The following P3H2 variants were observed in gnomAD, a reference collection of about 807,000 sequenced individuals.
P3H2 encodes prolyl 3-hydroxylase 2.
P3H2 carries 80 observed loss-of-function variants against 87.0 expected under a neutral mutation model. The ratio of observed to expected loss-of-function variants is 0.92; its 90% CI spans 0.77 to 1.11. P3H2 has a LOEUF of 1.11. Ranked by LOEUF, P3H2 falls within the 50% of genes least tolerant of loss-of-function variation. P3H2 has a pLI of 0.00. For synonymous variants in P3H2, 367 were observed against 359.3 expected (o/e 1.02, Z -0.24); for missense variants, 1,001 against 923.9 (o/e 1.08, Z -1.08).
chr3:190,067,259 A>C (rs1032520805), intron 1 of P3H2, among the ~76,000 whole-genome samples: 1 of 152,100 alleles, frequency 6.6e-6, no homozygotes, highest in African/African-American at 2.4e-5. Flanking sequence ...CAAGGCATTC[A>C]AGAAATATTT....
intron 1 of P3H2, among the ~76,000 whole-genome samples, chr3:190,015,688 T>C (rs1029644994): frequency 1.4e-5 from 2 of 143,998 alleles, no homozygotes; most frequent in East Asian, 2.0e-4. Context: ...TATCTCAGCA[T>C]CATTGCACTC....
intron 1 of P3H2, among the ~76,000 whole-genome samples, chr3:190,118,816 T>C: frequency 6.6e-6 from 1 of 151,972 alleles, no homozygotes; most frequent in African/African-American, 2.4e-5. Flanking sequence ...CACAGCCTGG[T>C]CCAGCCGTGC....
chr3:189,984,425 C>G, intron 7 of P3H2, 125 bp downstream of exon 7: 2 of 776,616 alleles, frequency 2.6e-6, no homozygotes, highest in South Asian at 3.3e-5. Context: ...GCTCCTAATT[C>G]AGAGCTTAGA....
intron 1 of P3H2, among the ~76,000 whole-genome samples, chr3:190,072,402 A>T (rs184102549): frequency 3.7e-4 from 57 of 152,314 alleles, no homozygotes; most frequent in African/African-American, 1.3e-3. Flanking sequence ...CAGTGGCTCT[A>T]GGAATCAGAC....
intron 1 of P3H2, among the ~76,000 whole-genome samples, chr3:189,996,028 A>T (rs1724042741): frequency 6.6e-6 from 1 of 152,174 alleles, no homozygotes. Context: ...AATTAGCAAG[A>T]CCATTATGAA....
At chr3:190,033,047 A>G (rs1725306965) in intron 1 of P3H2, among the ~76,000 whole-genome samples, 1 of 152,228 alleles carries the variant, frequency 6.6e-6, no homozygotes, top group African/African-American at 2.4e-5. Flanking sequence ...ACAGATCCTC[A>G]GGCATTAGAT....
chr3:189,990,129 C>T (rs1348846575), intron 3 of P3H2, among the ~76,000 whole-genome samples: 2 of 151,884 alleles, frequency 1.3e-5, no homozygotes. Context: ...TGCAGAGGGA[C>T]CCCAAAACAC....
intron 1 of P3H2, among the ~76,000 whole-genome samples, chr3:190,050,650 A>G (rs1725953309): frequency 2.0e-5 from 3 of 152,094 alleles, no homozygotes; most frequent in Admixed American, 2.0e-4. Context: ...TGTATATATG[A>G]GTTTTTTGAG....
chr3:190,064,217 C>T (rs1034659283), intron 1 of P3H2, among the ~76,000 whole-genome samples: 7 of 151,264 alleles, frequency 4.6e-5, no homozygotes, highest in African/African-American at 1.7e-4. Context: ...GGGTGAACTC[C>T]TGTTGCTCAG....
chr3:189,968,454 A>G (rs1407148544), intron 13 of P3H2, among the ~76,000 whole-genome samples: 1 of 152,174 alleles, frequency 6.6e-6, no homozygotes, highest in Non-Finnish European at 1.5e-5. Flanking sequence ...ATAGTCTTCC[A>G]TGGTATATAT....
chr3:190,098,610 T>C (rs1711508942), intron 1 of P3H2, among the ~76,000 whole-genome samples: 1 of 152,188 alleles, frequency 6.6e-6, no homozygotes, highest in Admixed American at 6.5e-5. Flanking sequence ...TTACCCCTCC[T>C]TTCTGGATGA....
chr3:189,964,286 T>C (rs890678426), intron 13 of P3H2, among the ~76,000 whole-genome samples, 188 bp from the exon 14 acceptor site: 7 of 152,158 alleles, frequency 4.6e-5, no homozygotes, highest in African/African-American at 1.7e-4. Flanking sequence ...GTCAAAATAA[T>C]ATATACCTCA....
intron 1 of P3H2, among the ~76,000 whole-genome samples, chr3:190,074,117 A>G (rs1247625700): frequency 1.3e-5 from 2 of 152,152 alleles, no homozygotes; most frequent in Non-Finnish European, 2.9e-5. Flanking sequence ...AAATTATTTG[A>G]TCTTGTGGTG....
chr3:189,973,511 C>CTTTCTTTTTTTTTTT (rs1723245878), intron 10 of P3H2, among the ~76,000 whole-genome samples: 2 of 35,462 alleles, frequency 5.6e-5, no homozygotes, highest in African/African-American at 1.9e-4. Context: ...TTCTTTCTTT[C>CTTTCTTTTTTTTTTT]TTTTTTTTTT....
chr3:190,033,309 CT>C (rs1477945473), intron 1 of P3H2, among the ~76,000 whole-genome samples: 2 of 152,094 alleles, frequency 1.3e-5, no homozygotes, highest in Non-Finnish European at 2.9e-5. Context: ...CCTGATTTAA[CT>C]GAATTAGTAA....
At chr3:189,967,550 G>C (rs770626063) in intron 13 of P3H2, among the ~76,000 whole-genome samples, 6 of 150,942 alleles carry the variant, frequency 4.0e-5, no homozygotes, top group Non-Finnish European at 8.8e-5. Context: ...CAGTTTCAGT[G>C]TTAGCAGAGA....
rs7634673 is a variant in P3H2 at position 189,997,644 on chromosome 3, G to C, written c.481-2202C>G. On this transcript the variant is annotated intron_variant, in intron 1 of 14. Coordinates refer to ENST00000319332, the MANE Select transcript of P3H2 (RefSeq NM_018192.4). ...ATAGTAAAGCTTTCCCTTTTCAAAT[G>C]TAATTGCACATTTTTAGCTACTGTC... 7.0e-3 allele frequency among the ~76,000 whole-genome samples: 1,070 copies of C among 152,252 alleles called. 6 individuals carry two copies. Among genetic ancestry groups the C allele is most frequent in the African/African-American group, 0.022 (899 of 41,542 alleles).
chr3:190,107,071 G>T (rs1176342613), intron 1 of P3H2, among the ~76,000 whole-genome samples: 1 of 151,974 alleles, frequency 6.6e-6, no homozygotes, highest in Non-Finnish European at 1.5e-5. Flanking sequence ...GCTATTTCAG[G>T]TTTCTTCAAA....
intron 1 of P3H2, among the ~76,000 whole-genome samples, chr3:190,058,568 G>A (rs967963919): frequency 6.6e-6 from 1 of 152,140 alleles, no homozygotes; most frequent in Admixed American, 6.5e-5. Flanking sequence ...GAATGGAAAG[G>A]GTGAAATGTT....
Sources: gnomAD v4.1 joint callset for allele counts (sites outside exome capture counted in the v4.1 genomes callset) on GRCh38, gnomAD v4.1.1 for gene constraint, MANE v1.5 for transcripts, NCBI Gene and HGNC (gene_info 2026-07-23, HGNC 2026-07-21) for gene names.